PRELID2: variants seen among roughly 807,000 people sequenced by gnomAD.
PRELID2 encodes PRELI domain containing 2.
In PRELID2, 25 loss-of-function variants were observed where a neutral mutation model predicts 28.4. The observed-to-expected ratio is 0.88, with a 90% CI of 0.64 to 1.23. The LOEUF (loss-of-function observed/expected upper bound fraction) is 1.23. PRELID2 is among the 50% of genes most tolerant of loss of function. The probability of loss-of-function intolerance (pLI) is 0.00; values close to 1 mark genes in which losing one functional copy is unlikely to be tolerated. For synonymous variants in PRELID2, 76 were observed against 71.6 expected (o/e 1.06, Z -0.31); for missense variants, 201 against 214.4 (o/e 0.94, Z 0.39).
chr5:145,484,709 A>G (rs1199007475), intron 1 of PRELID2, among the ~76,000 whole-genome samples: 1 of 152,220 alleles, frequency 6.6e-6, no homozygotes, highest in Non-Finnish European at 1.5e-5. Flanking sequence ...ATACACACAC[A>G]AAAAGCTGAT....
intron 1 of PRELID2, among the ~76,000 whole-genome samples, chr5:145,568,782 T>C (rs1200149760): frequency 6.6e-6 from 1 of 152,202 alleles, no homozygotes; most frequent in Non-Finnish European, 1.5e-5. Context: ...AGCCAATCAT[T>C]TCCTGCATGC....
At chr5:145,832,778 CCACACCACACACACCACACCA>C (rs937402806) in intron 1 of PRELID2, among the ~76,000 whole-genome samples, 4 of 151,716 alleles carry the variant, frequency 2.6e-5, no homozygotes, top group African/African-American at 9.7e-5. Flanking sequence ...ACACACCACA[CCACACCACACACACCACACCA>C]CACACCACAC....
At chr5:145,720,566 T>C (rs1755961013) in intron 1 of PRELID2, among the ~76,000 whole-genome samples, 1 of 152,032 alleles carries the variant, frequency 6.6e-6, no homozygotes, top group Non-Finnish European at 1.5e-5. Context: ...TTTACATATG[T>C]AAAAACTTGG....
chr5:145,561,115 G>A (rs761716642), intron 1 of PRELID2, among the ~76,000 whole-genome samples: 1 of 151,964 alleles, frequency 6.6e-6, no homozygotes, highest in African/African-American at 2.4e-5. Context: ...GAAAGGGAAA[G>A]ATATTTAGCC....
At chr5:145,633,134 G>T (rs1025787644) in intron 1 of PRELID2, among the ~76,000 whole-genome samples, 2 of 152,156 alleles carry the variant, frequency 1.3e-5, no homozygotes, top group Non-Finnish European at 2.9e-5. Context: ...TCCAAATGAG[G>T]ACACAGCTGA....
At chr5:145,830,919 G>T (rs971732376) in intron 1 of PRELID2, among the ~76,000 whole-genome samples, 2 of 152,112 alleles carry the variant, frequency 1.3e-5, no homozygotes, top group Admixed American at 1.3e-4. Context: ...AAAAGCCATA[G>T]ATCAGTAGAT....
At chr5:145,265,452 C>G in the PRELID2 span, among the ~76,000 whole-genome samples, 1 of 151,910 alleles carries the variant, frequency 6.6e-6, no homozygotes, top group Middle Eastern at 3.2e-3. Context: ...CTTCTTCACA[C>G]AACTAGAAAA....
the PRELID2 span, among the ~76,000 whole-genome samples, chr5:145,406,906 G>A: frequency 7.2e-4 from 110 of 152,260 alleles, 1 homozygote; most frequent in African/African-American, 2.6e-3. Context: ...GCAGTGAGAA[G>A]AGCCCTGTGG....
At chr5:145,288,934 G>T in the PRELID2 span, among the ~76,000 whole-genome samples, 19 of 152,174 alleles carry the variant, frequency 1.2e-4, 1 homozygote, top group African/African-American at 4.6e-4. Flanking sequence ...CTAACAGATA[G>T]CCCATGGGCA....
the PRELID2 span, among the ~76,000 whole-genome samples, chr5:145,452,503 T>C: frequency 6.6e-6 from 1 of 152,200 alleles, no homozygotes; most frequent in East Asian, 1.9e-4. Context: ...GAAGCTGTCC[T>C]GACTCCAATT....
At chr5:145,831,005 C>T (rs1313665752) in intron 1 of PRELID2, among the ~76,000 whole-genome samples, 1 of 152,164 alleles carries the variant, frequency 6.6e-6, no homozygotes, top group East Asian at 1.9e-4. Flanking sequence ...TTAAATGCTT[C>T]CCAGTGATCC....
chr5:145,373,875 AAT>A, the PRELID2 span, among the ~76,000 whole-genome samples: 31 of 79,388 alleles, frequency 3.9e-4, 12 homozygotes, highest in South Asian at 7.5e-3. Context: ...CAACATATAT[AAT>A]ATATATGATA....
the PRELID2 span, among the ~76,000 whole-genome samples, chr5:145,328,683 T>C: frequency 6.6e-6 from 1 of 152,164 alleles, no homozygotes; most frequent in Non-Finnish European, 1.5e-5. Context: ...TAGCCCTTTG[T>C]CAGAAGGCTA....
the PRELID2 span, among the ~76,000 whole-genome samples, chr5:145,260,551 G>A: frequency 6.6e-6 from 1 of 152,062 alleles, no homozygotes; most frequent in African/African-American, 2.4e-5. Context: ...TTTGTTTTGA[G>A]GATTTTCTAA....
At chr5:145,408,438 CATATATATGTATA>C in the PRELID2 span, among the ~76,000 whole-genome samples, 868 of 141,926 alleles carry the variant, frequency 6.1e-3, 11 homozygotes, top group African/African-American at 0.02. Flanking sequence ...ATATGTATAA[CATATATATGTATA>C]ATATATATGT....
the PRELID2 span, among the ~76,000 whole-genome samples, chr5:145,444,989 A>G: frequency 6.6e-6 from 1 of 152,118 alleles, no homozygotes; most frequent in Admixed American, 6.6e-5. Context: ...AACCCCTATC[A>G]AAATACCAAT....
intron 1 of PRELID2, among the ~76,000 whole-genome samples, chr5:145,584,194 T>C (rs1413295756): frequency 1.3e-5 from 2 of 152,238 alleles, no homozygotes; most frequent in South Asian, 2.1e-4. Context: ...AGGGAAAGGA[T>C]TCCCTATTTA....
intron 5 of PRELID2, among the ~76,000 whole-genome samples, chr5:145,767,856 T>C (rs138807115): frequency 1.8e-4 from 27 of 152,316 alleles, no homozygotes; most frequent in African/African-American, 5.3e-4. Context: ...AGTCTTGGAA[T>C]TGATGAAACA....
chr5:145,568,964 C>G (rs1018915262), intron 1 of PRELID2, among the ~76,000 whole-genome samples: 76 of 152,228 alleles, frequency 5.0e-4, no homozygotes, highest in Admixed American at 4.6e-3. Context: ...TGGCAGTCTG[C>G]TCCTTCTGGT....
Sources: allele counts gnomAD v4.1 joint callset (sites outside exome capture counted in the v4.1 genomes callset), GRCh38; gene constraint gnomAD v4.1.1; transcripts MANE v1.5; gene names NCBI Gene and HGNC (gene_info 2026-07-23, HGNC 2026-07-21).